The following NYAP2 variants were observed in gnomAD, a reference collection of about 807,000 sequenced individuals.
The protein encoded by NYAP2 is neuronal tyrosine-phosphorylated phosphoinositide-3-kinase adapter 2.
NYAP2 carries 23 observed loss-of-function variants against 50.4 expected under a neutral mutation model. The observed-to-expected ratio is 0.46, with a 90% CI of 0.33 to 0.65. The LOEUF (loss-of-function observed/expected upper bound fraction) is 0.65, where lower values mean the gene tolerates loss of function less well. Ranked by LOEUF, NYAP2 falls within the 30% of genes least tolerant of loss-of-function variation. The pLI, the probability that NYAP2 is intolerant of heterozygous loss-of-function variation, is 0.02. For synonymous variants in NYAP2, 394 were observed against 365.2 expected (o/e 1.08, Z -0.90); for missense variants, 885 against 861.0 (o/e 1.03, Z -0.35).
chr2:225,416,707 T>C (rs1695128746), intron 3 of NYAP2, among the ~76,000 whole-genome samples: 1 of 152,156 alleles, frequency 6.6e-6, no homozygotes, highest in South Asian at 2.1e-4. Flanking sequence ...ATTTATACTT[T>C]TGGTTGTTTT....
intron 4 of NYAP2, among the ~76,000 whole-genome samples, chr2:225,543,595 A>G (rs1691514970): frequency 6.6e-6 from 1 of 151,396 alleles, no homozygotes; most frequent in African/African-American, 2.4e-5. Flanking sequence ...TTCTTGTTTT[A>G]CTCCATTGTG....
rs182441893 is a variant in NYAP2, at chr2:225,478,760, C to T, written c.222-34611C>T. On this transcript the variant is annotated intron_variant, in intron 3 of 6. Transcript: ENST00000636099. ...AACATGAGATTGGAGTAATTCAGGA[C>T]CCTGTTGGAGGGTGGTGAAGAAAAG... Among the ~76,000 whole-genome samples, 337 of 152,190 alleles carry T rather than the reference C, an allele frequency of 2.2e-3. 1 individual carries two copies. The highest frequency in any genetic ancestry group is 0.01 in the Middle Eastern group (3 of 294).
At chr2:225,451,781 G>A (rs972144930) in intron 3 of NYAP2, among the ~76,000 whole-genome samples, 8 of 152,140 alleles carry the variant, frequency 5.3e-5, no homozygotes, top group African/African-American at 1.9e-4. Flanking sequence ...AGGCTAATAA[G>A]AATGGAAATT....
rs535004173 is a variant in NYAP2 at position 225,601,304 on chromosome 2, AGAGACGGG to A, written c.1618+18271_1618+18278del. Among the ~76,000 whole-genome samples, 18 of 152,034 alleles carry A rather than the reference AGAGACGGG, an allele frequency of 1.2e-4. No homozygotes were observed. The East Asian group carries it at 3.5e-3, about 30-fold the overall frequency. ...ACCAGCTAATTTTTGTATTTTTAGT[AGAGACGGG>A]GTTTCACCATGCTGGCCAGAATGGT... On this transcript the variant is annotated intron_variant, in intron 5 of 6. Transcript: ENST00000636099.
rs573503869 is a variant in NYAP2, at chr2:225,593,956, G to A, written c.1618+10921G>A. The stretch of plus-strand genomic sequence containing the variant: ...GAATCATTGCTTCTACTCTTAAGTG[G>A]CATGTTTGAAAGAATGGCCATTCCA... On this transcript the variant is annotated intron_variant, in intron 5 of 6. Coordinates refer to ENST00000636099, the Ensembl canonical transcript of NYAP2. Among the ~76,000 whole-genome samples the A allele has an allele frequency of 2.6e-5, 4 of 152,266 alleles. No homozygotes were observed. The South Asian group carries it at 8.3e-4, about 32-fold the overall frequency.
chr2:225,486,396 T>G (rs1690299204), intron 3 of NYAP2, among the ~76,000 whole-genome samples: 1 of 152,160 alleles, frequency 6.6e-6, no homozygotes, highest in African/African-American at 2.4e-5. Context: ...TTAGTGATTC[T>G]GTAGGAGGTA....
At chr2:225,453,674 T>C (rs1689688455) in intron 3 of NYAP2, among the ~76,000 whole-genome samples, 1 of 152,066 alleles carries the variant, frequency 6.6e-6, no homozygotes, top group African/African-American at 2.4e-5. Context: ...TTTGTTTTTC[T>C]TTTGAGATGG....
In NYAP2 at chr2:225,453,845, T is replaced by C. The variant is rs1006817568; in HGVS notation, c.221+44744T>C. 5.3e-3 allele frequency among the ~76,000 whole-genome samples: 795 copies of C among 150,690 alleles called. 7 individuals carry two copies. Among genetic ancestry groups the C allele is most frequent in the African/African-American group, 0.018 (743 of 41,156 alleles). On this transcript the variant is annotated intron_variant, in intron 3 of 6. Transcript: ENST00000636099. ...ACCACGCCCGGCTAATTTTTTTTTT[T>C]TTTTTTTTTTTAGTAGAGACAGAAT...
intron 5 of NYAP2, among the ~76,000 whole-genome samples, chr2:225,604,176 C>A (rs1692745253): frequency 6.6e-6 from 1 of 151,906 alleles, no homozygotes; most frequent in African/African-American, 2.4e-5. Context: ...AAGAGGATGA[C>A]AAGAGTTCAT....
the NYAP2 span, among the ~76,000 whole-genome samples, chr2:225,665,679 C>A: frequency 6.6e-6 from 1 of 150,516 alleles, no homozygotes; most frequent in Non-Finnish European, 1.5e-5. Context: ...TGTGGTGGTG[C>A]GTGCCTGTAA....
At chr2:225,536,583 C>T (rs1365388625) in intron 4 of NYAP2, among the ~76,000 whole-genome samples, 1 of 151,882 alleles carries the variant, frequency 6.6e-6, no homozygotes, top group Non-Finnish European at 1.5e-5. Flanking sequence ...TAATGGGGTA[C>T]ATAAGATATT....
chr2:225,432,945 T>C (rs758065038), intron 3 of NYAP2, among the ~76,000 whole-genome samples: 10 of 152,196 alleles, frequency 6.6e-5, no homozygotes, highest in Non-Finnish European at 1.0e-4. Context: ...TCAAAAATTG[T>C]ACACTTCCCT....
At position 225,408,582 on chromosome 2, in the gene NYAP2, G is replaced by A. The variant is rs187581668; in HGVS notation, c.-17-282G>A. 2.2e-3 allele frequency among the ~76,000 whole-genome samples: 335 copies of A among 152,108 alleles called. 1 individual carries two copies. Among genetic ancestry groups the A allele is most frequent in the Middle Eastern group, 6.8e-3 (2 of 294 alleles). ...TATTATTGTAATTATGCAACCAAAT[G>A]TTTAACTTTGCATACAGTATTTACC... is the stretch of plus-strand genomic sequence containing the variant. On this transcript the variant is annotated intron_variant, in intron 2 of 6. Coordinates refer to ENST00000636099, the Ensembl canonical transcript of NYAP2.
At chr2:225,543,824 T>A (rs749627554) in intron 4 of NYAP2, among the ~76,000 whole-genome samples, 10 of 152,088 alleles carry the variant, frequency 6.6e-5, no homozygotes, top group Non-Finnish European at 1.2e-4. Context: ...ACTTTCCGTC[T>A]GGGAGATCTG....
intron 4 of NYAP2, among the ~76,000 whole-genome samples, chr2:225,540,313 T>G (rs569286354): frequency 1.3e-5 from 2 of 152,172 alleles, no homozygotes; most frequent in Non-Finnish European, 2.9e-5. Flanking sequence ...AGGCTGCTGA[T>G]GAATACATAC....
chr2:225,527,740 T>C (rs778039736), intron 4 of NYAP2, among the ~76,000 whole-genome samples: 2 of 152,256 alleles, frequency 1.3e-5, no homozygotes, highest in Non-Finnish European at 2.9e-5. Flanking sequence ...CTCAAACTCC[T>C]GGGCTCAAGC....
chr2:225,598,529 G>A (rs1298077370), intron 5 of NYAP2, among the ~76,000 whole-genome samples: 1 of 152,082 alleles, frequency 6.6e-6, no homozygotes, highest in Non-Finnish European at 1.5e-5. Context: ...TTCTTTTAAA[G>A]TGATTATTTG....
At chr2:225,489,846 A>G (rs764733444) in intron 3 of NYAP2, among the ~76,000 whole-genome samples, 1 of 152,152 alleles carries the variant, frequency 6.6e-6, no homozygotes, top group Non-Finnish European at 1.5e-5. Flanking sequence ...AATAATAGAT[A>G]TCTGTGGGGA....
chr2:225,538,768 TTTTCTTTTCTTTTCTTTCTTTCTTTC>T (rs1691395849), intron 4 of NYAP2, among the ~76,000 whole-genome samples: 1 of 103,516 alleles, frequency 9.7e-6, no homozygotes, highest in Non-Finnish European at 2.0e-5. Flanking sequence ...TTTTCTTTTC[TTTTCTTTTCTTTTCTTTCTTTCTTTC>T]TTTCTTTCTT....
Sources: allele counts gnomAD v4.1 joint callset (sites outside exome capture counted in the v4.1 genomes callset), GRCh38; gene constraint gnomAD v4.1.1; transcripts MANE v1.5; gene names NCBI Gene and HGNC (gene_info 2026-07-23, HGNC 2026-07-21).